The following ATP8B4 variants were observed in gnomAD, a reference collection of about 807,000 sequenced individuals.
ATP8B4 encodes the protein ATPase phospholipid transporting 8B4 (putative), also known as probable phospholipid-transporting ATPase IM.
ATP8B4 carries 133 observed loss-of-function variants against 145.6 expected under a neutral mutation model. The ratio of observed to expected loss-of-function variants is 0.91; its 90% CI spans 0.79 to 1.05. ATP8B4 has a LOEUF of 1.05. ATP8B4 is among the 50% of genes least tolerant of loss of function. ATP8B4 has a pLI of 0.00. For synonymous variants in ATP8B4, 507 were observed against 492.9 expected (o/e 1.03, Z -0.38); for missense variants, 1,458 against 1,425.2 (o/e 1.02, Z -0.37).
At position 49,996,679 on chromosome 15, in the gene ATP8B4, T is replaced by G; in HGVS notation, c.587A>C (p.Asp196Ala). The change falls in exon 9 of 28, where the codon GAT becomes GCT. Residue 196 changes from aspartate (D) to alanine (A), a missense_variant and splice_region_variant. Physicochemically the swap from Asp to Ala is moderately radical, Grantham distance 126. Coordinates refer to ENST00000284509, the MANE Select transcript of ATP8B4 (RefSeq NM_024837.4). ...GADISRLAGF[D>A]GIVVCEVPNN... The stretch of plus-strand genomic sequence containing the variant: ...GTTTATCTGTTTAAAATACTTACCA[T>G]CAAACCCTGCAAGTCTGCTGATATC... The G allele has an allele frequency of 6.2e-7, 1 of 1,601,882 alleles. No individual in the cohort carries two copies. Among genetic ancestry groups the G allele is most frequent in the South Asian group, 1.1e-5 (1 of 90,322 alleles).
At chr15:50,085,772 G>A (rs1176792054) in intron 2 of ATP8B4, among the ~76,000 whole-genome samples, 3 of 146,190 alleles carry the variant, frequency 2.1e-5, no homozygotes, top group African/African-American at 7.6e-5. Flanking sequence ...ATATGCATAT[G>A]TATGTATCTA....
chr15:50,179,626 C>A (rs1431957748), intron 1 of ATP8B4, among the ~76,000 whole-genome samples: 1 of 149,790 alleles, frequency 6.7e-6, no homozygotes, highest in East Asian at 1.9e-4. Flanking sequence ...GAGGTAGAGC[C>A]TTTGGGGAGT....
At chr15:50,114,270 C>A (rs1204745993) in intron 1 of ATP8B4, among the ~76,000 whole-genome samples, 1 of 151,990 alleles carries the variant, frequency 6.6e-6, no homozygotes, top group Non-Finnish European at 1.5e-5. Context: ...TCCCTTCCTA[C>A]CCTTTCCCCC....
chr15:50,140,748 C>T (rs1252727047), intron 1 of ATP8B4, among the ~76,000 whole-genome samples: 2 of 152,150 alleles, frequency 1.3e-5, no homozygotes, highest in African/African-American at 4.8e-5. Flanking sequence ...CCTAAACATC[C>T]ACCTGAATAA....
chr15:50,017,241 C>T (rs561865382), intron 6 of ATP8B4, among the ~76,000 whole-genome samples: 1 of 152,234 alleles, frequency 6.6e-6, no homozygotes, highest in African/African-American at 2.4e-5. Context: ...ATTTCTAGTA[C>T]CTATCTATTA....
intron 3 of ATP8B4, among the ~76,000 whole-genome samples, chr15:50,062,043 G>C (rs985492867): frequency 6.6e-6 from 1 of 152,014 alleles, no homozygotes; most frequent in African/African-American, 2.4e-5. Flanking sequence ...GTTCCTGAAG[G>C]GCTGAGACCT....
intron 14 of ATP8B4, among the ~76,000 whole-genome samples, chr15:49,950,237 C>G (rs747585631): frequency 6.6e-6 from 1 of 152,058 alleles, no homozygotes; most frequent in Non-Finnish European, 1.5e-5. Flanking sequence ...AGGAATGGTA[C>G]CAGCTCCTCC....
At chr15:50,156,744 G>A (rs1020360243) in intron 1 of ATP8B4, among the ~76,000 whole-genome samples, 1 of 152,260 alleles carries the variant, frequency 6.6e-6, no homozygotes, top group South Asian at 2.1e-4. Context: ...TAATAATATA[G>A]CTGGCCAGTG....
intron 25 of ATP8B4, among the ~76,000 whole-genome samples, chr15:49,872,356 G>C (rs775556332): frequency 1.8e-4 from 28 of 152,116 alleles, no homozygotes; most frequent in Middle Eastern, 3.4e-3. Context: ...CTAATTCTTT[G>C]ATACTCCTTC....
intron 20 of ATP8B4, among the ~76,000 whole-genome samples, chr15:49,911,344 A>T (rs575352688): frequency 6.6e-6 from 1 of 152,112 alleles, no homozygotes; most frequent in Non-Finnish European, 1.5e-5. Context: ...CCTCACAAAC[A>T]GAAACCAAAA....
chr15:50,045,390 G>T (rs1054793648), intron 4 of ATP8B4, among the ~76,000 whole-genome samples: 1 of 152,096 alleles, frequency 6.6e-6, no homozygotes, highest in Non-Finnish European at 1.5e-5. Flanking sequence ...CTATTCCCTT[G>T]TGCCCATACC....
chr15:50,068,413 T>C (rs551993895), intron 3 of ATP8B4, among the ~76,000 whole-genome samples: 45 of 152,276 alleles, frequency 3.0e-4, no homozygotes, highest in Non-Finnish European at 5.7e-4. Flanking sequence ...ATCCAATAAC[T>C]AGGATATCAA....
intron 6 of ATP8B4, among the ~76,000 whole-genome samples, chr15:50,017,212 C>T (rs1173626568): frequency 1.3e-5 from 2 of 152,108 alleles, no homozygotes; most frequent in Non-Finnish European, 2.9e-5. Context: ...GCCAACAGTA[C>T]AATAAAGTTG....
chr15:50,014,844 G>T (rs1400298186), intron 6 of ATP8B4, among the ~76,000 whole-genome samples: 5 of 152,134 alleles, frequency 3.3e-5, no homozygotes, highest in African/African-American at 1.2e-4. Context: ...TAGAAATTGA[G>T]ATCTTTGCCT....
intron 13 of ATP8B4, among the ~76,000 whole-genome samples, chr15:49,965,511 G>A (rs866463861): frequency 3.9e-5 from 6 of 152,296 alleles, no homozygotes; most frequent in Middle Eastern, 6.8e-3. Context: ...TCTGCAAAAC[G>A]GCCAGCGTTG....
intron 25 of ATP8B4, among the ~76,000 whole-genome samples, chr15:49,874,334 G>A (rs1454875397): frequency 6.6e-6 from 1 of 152,198 alleles, no homozygotes; most frequent in East Asian, 1.9e-4. Flanking sequence ...GAAATGACAT[G>A]TGAGGGAAAC....
intron 2 of ATP8B4, among the ~76,000 whole-genome samples, chr15:50,093,336 A>G (rs1289008387): frequency 1.3e-5 from 2 of 152,122 alleles, no homozygotes; most frequent in African/African-American, 4.8e-5. Context: ...TTACTGTTGC[A>G]CTGCTGGTTT....
chr15:49,908,799 C>T (rs968458220), intron 20 of ATP8B4, among the ~76,000 whole-genome samples: 2 of 152,116 alleles, frequency 1.3e-5, no homozygotes, highest in African/African-American at 4.8e-5. Flanking sequence ...GGCCAAAGTG[C>T]AAGACGCTGA....
At chr15:50,073,005 TATATATATATATATACACACAC>T (rs1175124180) in intron 3 of ATP8B4, among the ~76,000 whole-genome samples, 26 of 57,918 alleles carry the variant, frequency 4.5e-4, no homozygotes, top group African/African-American at 1.7e-3. Flanking sequence ...TATATATATA[TATATATATATATATACACACAC>T]ACACACACAC....
Sources: gnomAD v4.1 joint callset for allele counts (sites outside exome capture counted in the v4.1 genomes callset) on GRCh38, gnomAD v4.1.1 for gene constraint, MANE v1.5 for transcripts, NCBI Gene and HGNC (gene_info 2026-07-23, HGNC 2026-07-21) for gene names.